WWTR1: variants seen among roughly 807,000 people sequenced by gnomAD.
WWTR1 encodes the protein WW domain containing transcription regulator 1, also known as WW domain-containing transcription regulator protein 1.
In WWTR1, 13 loss-of-function variants were observed where a neutral mutation model predicts 40.1. The ratio of observed to expected loss-of-function variants is 0.32; its 90% CI spans 0.21 to 0.52. The LOEUF (loss-of-function observed/expected upper bound fraction) is 0.52, where lower values mean the gene tolerates loss of function less well. WWTR1 is among the 20% of genes least tolerant of loss of function. The pLI is 0.97. For synonymous variants in WWTR1, 230 were observed against 210.1 expected (o/e 1.09, Z -0.82); for missense variants, 436 against 523.1 (o/e 0.83, Z 1.63).
At chr3:149,651,693 T>G (rs939766206) in intron 2 of WWTR1, among the ~76,000 whole-genome samples, 1 of 152,202 alleles carries the variant, frequency 6.6e-6, no homozygotes, top group Admixed American at 6.5e-5. Context: ...ACTTTGGGGC[T>G]AGATATCTCA....
At chr3:149,536,617 C>T (rs1167147135) in intron 4 of WWTR1, among the ~76,000 whole-genome samples, 2 of 152,218 alleles carry the variant, frequency 1.3e-5, no homozygotes, top group African/African-American at 4.8e-5. Context: ...TCAAGCCTGG[C>T]AGAAATCCCA....
intron 2 of WWTR1, among the ~76,000 whole-genome samples, chr3:149,599,543 A>C (rs1378824196): frequency 6.6e-6 from 1 of 152,234 alleles, no homozygotes; most frequent in Admixed American, 6.5e-5. Flanking sequence ...TTGCCAACTG[A>C]CCTTGACTGA....
intron 5 of WWTR1, among the ~76,000 whole-genome samples, chr3:149,716,200 T>G (rs1299824572): frequency 2.0e-5 from 3 of 152,040 alleles, no homozygotes; most frequent in African/African-American, 7.2e-5. Flanking sequence ...CTGGCCAACA[T>G]GGTAAAACCC....
chr3:149,546,296 G>A (rs1280723291), intron 3 of WWTR1, among the ~76,000 whole-genome samples: 1 of 152,212 alleles, frequency 6.6e-6, no homozygotes, highest in African/African-American at 2.4e-5. Context: ...AGAGCAGTTT[G>A]TACAAGGATA....
At chr3:149,592,211 A>G (rs1738761096) in intron 2 of WWTR1, among the ~76,000 whole-genome samples, 2 of 152,240 alleles carry the variant, frequency 1.3e-5, no homozygotes, top group Admixed American at 1.3e-4. Context: ...ATGCATATAA[A>G]AGATTCTAGT....
At chr3:149,662,476 C>G (rs72997995), upstream of WWTR1, among the ~76,000 whole-genome samples, 1 of 152,188 alleles carries the variant, frequency 6.6e-6, no homozygotes, top group Non-Finnish European at 1.5e-5. Context: ...GAAGCTTCTC[C>G]TGAGTCATCC....
rs1020711232 is a variant in WWTR1, at chr3:149,542,256, T to A, written c.771+79A>T. On this transcript the variant is annotated intron_variant, in intron 4 of 6. Coordinates refer to ENST00000360632, the MANE Select transcript of WWTR1 (RefSeq NM_015472.6). ...CTCTTCTTCTCTAGAAGAATTACCC[T>A]GAAGGTAAGCAGCTACCTACCCATC... 26 of 1,487,800 alleles carry A rather than the reference T, an allele frequency of 1.7e-5. No individual in the cohort carries two copies. In the South Asian group the frequency reaches 3.1e-4, roughly 18 times the overall value. The allele number at this position is 1,487,800 out of a possible 1,614,324, so 92.2% of individuals were successfully genotyped here.
At chr3:149,703,862 A>C (rs936851247), upstream of WWTR1, among the ~76,000 whole-genome samples, 15 of 152,208 alleles carry the variant, frequency 9.9e-5, no homozygotes, top group Non-Finnish European at 2.1e-4. Context: ...CTGAGTCCCC[A>C]TCAGAAGCAG....
intron 2 of WWTR1, among the ~76,000 whole-genome samples, chr3:149,637,135 A>C (rs1711868438): frequency 6.6e-6 from 1 of 152,148 alleles, no homozygotes; most frequent in Non-Finnish European, 1.5e-5. Flanking sequence ...ATTTCACATC[A>C]AACTTGCTAT....
chr3:149,603,511 T>C (rs978852574), intron 2 of WWTR1, among the ~76,000 whole-genome samples: 1 of 151,966 alleles, frequency 6.6e-6, no homozygotes, highest in Non-Finnish European at 1.5e-5. Context: ...AGACAGTTTC[T>C]TCATGATAAT....
intron 1 of WWTR1, among the ~76,000 whole-genome samples, chr3:149,670,409 G>A (rs1255570502): frequency 1.3e-5 from 2 of 152,096 alleles, no homozygotes; most frequent in Non-Finnish European, 2.9e-5. Context: ...AGTTGGTCTT[G>A]AGGCCATAAC....
chr3:149,630,095 C>G (rs908834842), intron 2 of WWTR1, among the ~76,000 whole-genome samples: 1 of 152,126 alleles, frequency 6.6e-6, no homozygotes, highest in African/African-American at 2.4e-5. Context: ...ATCCTCGTGC[C>G]CCAGCTTCCC....
intron 6 of WWTR1, among the ~76,000 whole-genome samples, chr3:149,525,341 A>T (rs528784429): frequency 6.6e-6 from 1 of 152,190 alleles, no homozygotes; most frequent in Non-Finnish European, 1.5e-5. Context: ...CATATATTAC[A>T]ACTAAAAACT....
chr3:149,569,231 T>G (rs1737509471), intron 3 of WWTR1, among the ~76,000 whole-genome samples: 1 of 152,232 alleles, frequency 6.6e-6, no homozygotes, highest in Admixed American at 6.5e-5. Flanking sequence ...TAAATCATTT[T>G]TATTCTAGAA....
intron 4 of WWTR1, among the ~76,000 whole-genome samples, chr3:149,531,736 A>G (rs1475128980): frequency 6.6e-6 from 1 of 152,134 alleles, no homozygotes; most frequent in Non-Finnish European, 1.5e-5. Context: ...AATCTGCATT[A>G]ATTTTCTTCA....
At chr3:149,599,904 G>C (rs570321218) in intron 2 of WWTR1, among the ~76,000 whole-genome samples, 29 of 152,146 alleles carry the variant, frequency 1.9e-4, no homozygotes, top group African/African-American at 7.0e-4. Flanking sequence ...TTCACATCCT[G>C]GGATTCAACC....
intron 2 of WWTR1, among the ~76,000 whole-genome samples, chr3:149,622,494 G>GAAAGAA (rs1560089693): frequency 3.6e-4 from 16 of 44,826 alleles, no homozygotes; most frequent in African/African-American, 1.1e-3. Context: ...AGGAAGGAAG[G>GAAAGAA]AAGGAAGGAA....
chr3:149,624,640 T>C (rs1740461033), intron 2 of WWTR1, among the ~76,000 whole-genome samples: 1 of 152,220 alleles, frequency 6.6e-6, no homozygotes. Context: ...TTGCTTCTGC[T>C]AAGGGGAATG....
chr3:149,699,407 C>A (rs1485821912), intron 1 of WWTR1, among the ~76,000 whole-genome samples: 4 of 151,788 alleles, frequency 2.6e-5, no homozygotes, highest in African/African-American at 7.3e-5. Flanking sequence ...GATTCTCCTG[C>A]CTCAGCTTCC....
Sources: gnomAD v4.1 joint callset for allele counts (sites outside exome capture counted in the v4.1 genomes callset) on GRCh38, gnomAD v4.1.1 for gene constraint, MANE v1.5 for transcripts, NCBI Gene and HGNC (gene_info 2026-07-23, HGNC 2026-07-21) for gene names.